Variants in ZFPM2 observed in about 807,000 individuals in gnomAD.
ZFPM2 encodes the protein zinc finger protein ZFPM2.
Under a neutral mutation model 98.6 loss-of-function variants are expected in ZFPM2, and 20 were observed. The ratio of observed to expected loss-of-function variants is 0.20; its 90% CI spans 0.14 to 0.29. The LOEUF (loss-of-function observed/expected upper bound fraction) is 0.29, where lower values mean the gene tolerates loss of function less well. Among genes scored for constraint, ZFPM2 ranks in the 10% least tolerant of loss-of-function variants. The pLI, the probability that ZFPM2 is intolerant of heterozygous loss-of-function variation, is 1.00. For missense variants in ZFPM2, 1,310 were observed against 1,388.6 expected (o/e 0.94, Z 0.90); for synonymous variants, 518 against 502.7 (o/e 1.03, Z -0.41).
chr8:105,726,404 TAAA>T (rs1392574352), intron 5 of ZFPM2, among the ~76,000 whole-genome samples: 1 of 151,648 alleles, frequency 6.6e-6, no homozygotes, highest in African/African-American at 2.4e-5. Context: ...TTCATAATGA[TAAA>T]AAGGGAATTA....
In ZFPM2 at chr8:105,648,449, G is replaced by A. The variant is rs1254938181; in HGVS notation, c.532+14092G>A. Among the ~76,000 whole-genome samples, 9 of 152,240 alleles carry A rather than the reference G, an allele frequency of 5.9e-5. No individual in the cohort carries two copies. The East Asian group carries it at 1.7e-3, about 29-fold the overall frequency. ...TTGGTGTTTTAGACATGAAGTCCTT[G>A]CCCATGCCTATGTCCTGAATGGTAT... On this transcript the variant is annotated intron_variant, in intron 5 of 7. Coordinates refer to ENST00000407775, the MANE Select transcript of ZFPM2 (RefSeq NM_012082.4).
intron 5 of ZFPM2, among the ~76,000 whole-genome samples, chr8:105,735,039 C>A (rs937836273): frequency 1.3e-5 from 2 of 148,780 alleles, no homozygotes; most frequent in African/African-American, 4.9e-5. Context: ...TGCAGTTTTG[C>A]ATTCCTTTTA....
At chr8:105,498,577 T>C (rs1183698470) in intron 3 of ZFPM2, among the ~76,000 whole-genome samples, 1 of 152,190 alleles carries the variant, frequency 6.6e-6, no homozygotes, top group Admixed American at 6.5e-5. Flanking sequence ...CCTAAACCCC[T>C]CTCTTTTCAT....
chr8:105,449,111 C>G (rs547814886), intron 3 of ZFPM2, among the ~76,000 whole-genome samples: 1 of 152,102 alleles, frequency 6.6e-6, no homozygotes, highest in Admixed American at 6.6e-5. Flanking sequence ...TTTCAGTATG[C>G]TAATTCTCGG....
At chr8:105,577,940 C>T (rs1401439214) in intron 4 of ZFPM2, among the ~76,000 whole-genome samples, 1 of 151,880 alleles carries the variant, frequency 6.6e-6, no homozygotes, top group East Asian at 1.9e-4. Context: ...TAAATGTTTG[C>T]AATTTTACAA....
intron 5 of ZFPM2, among the ~76,000 whole-genome samples, chr8:105,722,366 C>T (rs1416864686): frequency 6.6e-6 from 1 of 151,698 alleles, no homozygotes; most frequent in Non-Finnish European, 1.5e-5. Context: ...CCAATTTCTT[C>T]CTTGGTTATG....
At chr8:105,716,428 A>G (rs960272044) in intron 5 of ZFPM2, among the ~76,000 whole-genome samples, 3 of 151,984 alleles carry the variant, frequency 2.0e-5, no homozygotes, top group Admixed American at 1.3e-4. Flanking sequence ...ATATATACAT[A>G]CATACAGATA....
At chr8:105,585,905 A>G (rs1009856075) in intron 4 of ZFPM2, among the ~76,000 whole-genome samples, 1 of 151,910 alleles carries the variant, frequency 6.6e-6, no homozygotes, top group African/African-American at 2.4e-5. Flanking sequence ...AATAGAAGGG[A>G]TGTCTAAGAA....
chr8:105,443,550 A>T lies in ZFPM2; in HGVS notation c.200-730A>T, dbSNP rs1370284021. The stretch of plus-strand genomic sequence containing the variant: ...ATCACTTAAAATGAAGGTACTCATT[A>T]ATTAGACTTTTTGCTTTTAAAATAT... On this transcript the variant is annotated intron_variant, in intron 2 of 7. Transcript: ENST00000407775. 2.6e-5 allele frequency among the ~76,000 whole-genome samples: 4 copies of T among 152,162 alleles called. No individual in the cohort carries two copies. In the East Asian group the frequency reaches 7.7e-4, roughly 29 times the overall value.
chr8:105,426,077 A>C (rs1811902212), intron 2 of ZFPM2, among the ~76,000 whole-genome samples: 1 of 151,938 alleles, frequency 6.6e-6, no homozygotes, highest in African/African-American at 2.4e-5. Flanking sequence ...GCCTCCTCTG[A>C]TGCTTGAGTA....
intron 5 of ZFPM2, among the ~76,000 whole-genome samples, chr8:105,739,701 C>T (rs772007577): frequency 3.3e-5 from 5 of 151,544 alleles, no homozygotes; most frequent in Admixed American, 3.3e-4. Flanking sequence ...AAAGGCACTT[C>T]GCAGCTATAG....
chr8:105,412,993 G>A (rs547526065), intron 1 of ZFPM2, among the ~76,000 whole-genome samples: 9 of 151,918 alleles, frequency 5.9e-5, no homozygotes, highest in Non-Finnish European at 4.4e-5. Context: ...AGCTAGAAAC[G>A]TTCCTACTGC....
At chr8:105,579,294 T>C (rs1259541412) in intron 4 of ZFPM2, among the ~76,000 whole-genome samples, 1 of 152,208 alleles carries the variant, frequency 6.6e-6, no homozygotes, top group Non-Finnish European at 1.5e-5. Flanking sequence ...AGATTAAATA[T>C]GTAAAATCAA....
chr8:105,766,885 A>G (rs781168965), intron 5 of ZFPM2, among the ~76,000 whole-genome samples: 7 of 151,904 alleles, frequency 4.6e-5, no homozygotes, highest in Non-Finnish European at 1.0e-4. Flanking sequence ...ACGCTTAGAT[A>G]CCACACTAAA....
intron 6 of ZFPM2, chr8:105,795,947 A>C (rs1813793933): frequency 4.5e-6 from 1 of 221,966 alleles, no homozygotes; most frequent in African/African-American, 2.3e-5. Context: ...AATCTCTGAG[A>C]CTCTGAATGA....
chr8:105,445,955 C>T (rs1164714808), intron 3 of ZFPM2, among the ~76,000 whole-genome samples: 1 of 151,516 alleles, frequency 6.6e-6, no homozygotes, highest in Non-Finnish European at 1.5e-5. Flanking sequence ...GAGTCTCACT[C>T]TGTCACCCAG....
intron 3 of ZFPM2, among the ~76,000 whole-genome samples, chr8:105,496,719 A>G (rs1186852295): frequency 7.1e-6 from 1 of 141,172 alleles, no homozygotes. Flanking sequence ...ATGGTGGCTC[A>G]TGCCTGTAAT....
intron 3 of ZFPM2, among the ~76,000 whole-genome samples, chr8:105,544,677 G>A (rs555682142): frequency 1.5e-4 from 23 of 152,282 alleles, no homozygotes; most frequent in African/African-American, 5.1e-4. Flanking sequence ...ATGGACACAA[G>A]TTGGGTTTGC....
chr8:105,536,792 C>T (rs1586445435), intron 3 of ZFPM2, among the ~76,000 whole-genome samples: 1 of 152,204 alleles, frequency 6.6e-6, no homozygotes, highest in South Asian at 2.1e-4. Flanking sequence ...CCAAGGCTCC[C>T]TTTTGGAACC....
Sources: gnomAD v4.1 joint callset for allele counts (sites outside exome capture counted in the v4.1 genomes callset) on GRCh38, gnomAD v4.1.1 for gene constraint, MANE v1.5 for transcripts, NCBI Gene and HGNC (gene_info 2026-07-23, HGNC 2026-07-21) for gene names.